CDH4: variants seen among roughly 807,000 people sequenced by gnomAD.
The protein encoded by CDH4 is cadherin-4.
A neutral mutation model predicts 86.0 loss-of-function variants in CDH4; 33 were observed. The observed-to-expected ratio is 0.38, with a 90% confidence interval of 0.29 to 0.51. CDH4 has a LOEUF of 0.51. Among genes scored for constraint, CDH4 ranks in the 20% least tolerant of loss-of-function variants. The pLI is 0.86. For synonymous variants in CDH4, 555 were observed against 549.4 expected, an observed-to-expected ratio of 1.01 and a Z score of -0.14; for missense variants, 1,114 against 1,307.4, an observed-to-expected ratio of 0.85 and a Z score of 2.28.
At chr20:61,371,630 G>A (rs1208871428) in intron 2 of CDH4, among the ~76,000 whole-genome samples, 2 of 152,062 alleles carry the variant, frequency 1.3e-5, no homozygotes, top group Admixed American at 6.5e-5. Flanking sequence ...CCTCTGCTGC[G>A]GGCCCCGAGC....
chr20:61,335,843 G>A (rs1419640808), intron 2 of CDH4, among the ~76,000 whole-genome samples: 1 of 152,198 alleles, frequency 6.6e-6, no homozygotes, highest in Non-Finnish European at 1.5e-5. Context: ...ACTTTGGTAA[G>A]AGCTGGTTCT....
intron 2 of CDH4, among the ~76,000 whole-genome samples, chr20:61,588,728 C>G (rs1326631885): frequency 6.6e-6 from 1 of 152,190 alleles, no homozygotes; most frequent in Non-Finnish European, 1.5e-5. Context: ...CACCACCAGC[C>G]CAAGGTGGTT....
chr20:61,528,343 C>A (rs1052417035), intron 2 of CDH4, among the ~76,000 whole-genome samples: 1 of 135,782 alleles, frequency 7.4e-6, no homozygotes, highest in Non-Finnish European at 1.5e-5. Flanking sequence ...TGCCATTGCA[C>A]TCCAGCCCGG....
chr20:61,772,184 G>T (rs2088782775), intron 3 of CDH4, among the ~76,000 whole-genome samples: 1 of 151,964 alleles, frequency 6.6e-6, no homozygotes, highest in South Asian at 2.1e-4. Flanking sequence ...GATTGTGAGA[G>T]ATGAAGGCAC....
chr20:61,767,825 G>A (rs2088718288), intron 3 of CDH4, among the ~76,000 whole-genome samples: 1 of 152,194 alleles, frequency 6.6e-6, no homozygotes, highest in South Asian at 2.1e-4. Flanking sequence ...AAACACTCAT[G>A]GGAGATAAAA....
intron 2 of CDH4, among the ~76,000 whole-genome samples, chr20:61,455,149 T>G (rs2085400555): frequency 6.6e-6 from 1 of 152,038 alleles, no homozygotes; most frequent in South Asian, 2.1e-4. Flanking sequence ...CATCCCAGAG[T>G]GTTACATCTC....
At chr20:61,530,389 C>T (rs1288108873) in intron 2 of CDH4, among the ~76,000 whole-genome samples, 1 of 152,094 alleles carries the variant, frequency 6.6e-6, no homozygotes, top group East Asian at 1.9e-4. Flanking sequence ...CCTTAGAATC[C>T]TACCCTGACA....
Position 61,462,302 on chromosome 20 carries a change from A to G in CDH4, c.169+207365A>G, listed in dbSNP as rs142763295. Among the ~76,000 whole-genome samples the G allele has an allele frequency of 2.1e-3, 314 of 152,294 alleles. 2 individuals carry two copies. Among genetic ancestry groups the G allele is most frequent in the African/African-American group, 7.0e-3 (293 of 41,568 alleles). On this transcript the variant is annotated intron_variant, in intron 2 of 15. Coordinates refer to ENST00000614565, the MANE Select transcript of CDH4 (RefSeq NM_001794.5). ...TTAAGATTTCAGTGGTACAAACCCA[A>G]TGGGACTGGCCCTTCCCTATCTGGG...
At chr20:61,756,709 G>A (rs182395275) in intron 3 of CDH4, among the ~76,000 whole-genome samples, 1 of 152,150 alleles carries the variant, frequency 6.6e-6, no homozygotes, top group East Asian at 1.9e-4. Flanking sequence ...GCATTCCTCC[G>A]TGAGTTCCCC....
At chr20:61,383,770 T>C (rs1327013914) in intron 2 of CDH4, among the ~76,000 whole-genome samples, 2 of 77,558 alleles carry the variant, frequency 2.6e-5, no homozygotes, top group East Asian at 3.4e-3. Context: ...TATGAAGATA[T>C]ATATGCATAT....
At chr20:61,896,002 C>T (rs949689288) in intron 8 of CDH4, among the ~76,000 whole-genome samples, 16 of 152,190 alleles carry the variant, frequency 1.1e-4, no homozygotes, top group African/African-American at 3.9e-4. Context: ...CCTGAGATGC[C>T]AGGATCTCAG....
intron 4 of CDH4, among the ~76,000 whole-genome samples, chr20:61,777,966 C>T: frequency 6.6e-6 from 1 of 150,590 alleles, no homozygotes; most frequent in East Asian, 2.0e-4. Flanking sequence ...CACGTGCATA[C>T]TATACACACA....
intron 2 of CDH4, among the ~76,000 whole-genome samples, chr20:61,394,466 G>T (rs2085004340): frequency 6.6e-6 from 1 of 152,146 alleles, no homozygotes; most frequent in African/African-American, 2.4e-5. Context: ...ACTCTTTCCT[G>T]TTTCCACTTT....
intron 2 of CDH4, among the ~76,000 whole-genome samples, chr20:61,308,804 G>A (rs1412653559): frequency 2.0e-5 from 3 of 152,228 alleles, no homozygotes; most frequent in African/African-American, 7.2e-5. Flanking sequence ...AGACTTTGCT[G>A]TCAGAAACCT....
chr20:61,288,336 G>T (rs920977313), intron 2 of CDH4, among the ~76,000 whole-genome samples: 1 of 152,174 alleles, frequency 6.6e-6, no homozygotes, highest in Admixed American at 6.6e-5. Flanking sequence ...CATGTTGTTC[G>T]CTCTTGGCAG....
chr20:61,767,130 G>A (rs1310118022), intron 3 of CDH4, among the ~76,000 whole-genome samples: 6 of 152,114 alleles, frequency 3.9e-5, no homozygotes, highest in African/African-American at 9.7e-5. Context: ...GGCAGGGCCC[G>A]GGCCCGTGCA....
In CDH4 at chr20:61,393,040, G is replaced by T. The variant is rs2084995444; in HGVS notation, c.169+138103G>T. Among the ~76,000 whole-genome samples the T allele has an allele frequency of 6.6e-6, 1 of 152,128 alleles. No homozygotes were observed. Among genetic ancestry groups the T allele is most frequent in the Admixed American group, 6.5e-5 (1 of 15,276 alleles). ...AACGTGAGGACAGAGCAGCTGCGGG[G>T]CCCCTCGGTGATCAGGGCCGTTTAT... On this transcript the variant is annotated intron_variant, in intron 2 of 15. Transcript: ENST00000614565. This position sits in a 1 kb window ranked among gnomAD's most constrained non-coding sequence, Gnocchi z 4.3.
chr20:61,659,483 G>T (rs1372140705), intron 2 of CDH4, among the ~76,000 whole-genome samples: 1 of 152,234 alleles, frequency 6.6e-6, no homozygotes, highest in Non-Finnish European at 1.5e-5. Flanking sequence ...GCTTCCTGGA[G>T]CTCTGGCCTG....
intron 4 of CDH4, among the ~76,000 whole-genome samples, chr20:61,804,911 T>A (rs2146037446): frequency 6.6e-6 from 1 of 152,296 alleles, no homozygotes; most frequent in South Asian, 2.1e-4. Context: ...GCTGTCAGCT[T>A]CAGGCCCGGC....
Sources: gnomAD v4.1 joint callset for allele counts (sites outside exome capture counted in the v4.1 genomes callset) on GRCh38, gnomAD v4.1.1 for gene constraint, Gnocchi (gnomAD v3.1) non-coding constraint, MANE v1.5 for transcripts, NCBI Gene and HGNC (gene_info 2026-07-23, HGNC 2026-07-21) for gene names.